Variants in PHF8 observed in about 807,000 individuals in gnomAD.
The protein encoded by PHF8 is histone lysine demethylase PHF8.
Under a neutral mutation model 74.4 loss-of-function variants are expected in PHF8, and 9 were observed. The ratio of observed to expected loss-of-function variants is 0.12; its 90% CI spans 0.07 to 0.21. The LOEUF is 0.21. Ranked by LOEUF, PHF8 falls within the 10% of genes least tolerant of loss-of-function variation. The probability of loss-of-function intolerance (pLI) is 1.00; values close to 1 mark genes in which losing one functional copy is unlikely to be tolerated. For synonymous variants in PHF8, 311 were observed against 316.6 expected (o/e 0.98, Z 0.19); for missense variants, 478 against 816.6 (o/e 0.59, Z 5.05).
intron 11 of PHF8, among the ~76,000 whole-genome samples, chrX:53,997,373 TAAA>T (rs1244631676): frequency 1.8e-5 from 2 of 112,398 alleles, no homozygotes; most frequent in Admixed American, 9.4e-5. Context: ...AGAGGGCTGA[TAAA>T]AAATTCCTCA....
In PHF8 at chrX:54,016,640, C is replaced by T. The variant is rs781983583; in HGVS notation, c.551G>A (p.Arg184Lys). The change falls in exon 6 of 22, where the codon AGG becomes AAG. Residue 184 changes from arginine (R) to lysine (K), a missense_variant. Transcript: ENST00000338154. ...DFVKYYYSGK[R>K]EKVLNVISLE... Reference sequence around the variant, plus strand: ...ACTAATGACATTGAGGACTTTCTCCCTCTTCCCGCTGTAATAGTATTTCAC... The same window carrying T: ...ACTAATGACATTGAGGACTTTCTCCTTCTTCCCGCTGTAATAGTATTTCAC... The T allele has an allele frequency of 8.3e-7, 1 of 1,201,289 alleles. No individual in the cohort carries two copies. The highest frequency in any genetic ancestry group is 2.2e-5 in the Admixed American group (1 of 45,922).
intron 10 of PHF8, among the ~76,000 whole-genome samples, chrX:54,000,753 C>G (rs2065814737): frequency 8.9e-6 from 1 of 112,993 alleles, no homozygotes; most frequent in Non-Finnish European, 1.9e-5. Context: ...TGGCTTCCAA[C>G]TGGGCTAACG....
chrX:54,006,969 G>C (rs894167391), intron 8 of PHF8, among the ~76,000 whole-genome samples: 1 of 109,787 alleles, frequency 9.1e-6, no homozygotes, highest in African/African-American at 3.3e-5. Context: ...AATTCAAGGG[G>C]CCAAATAATC....
At chrX:53,982,663 C>T (rs1292990016) in intron 18 of PHF8, among the ~76,000 whole-genome samples, 1 of 111,631 alleles carries the variant, frequency 9.0e-6, no homozygotes, top group African/African-American at 3.3e-5. Context: ...ATGGGAATTT[C>T]GTTTATGACA....
chrX:53,955,770 C>G lies in PHF8; in HGVS notation c.2539+7074G>C, dbSNP rs184727276. On this transcript the variant is annotated intron_variant, in intron 19 of 21. Transcript: ENST00000338154. ...TGATAAAAATTACTAAAGAAATATA[C>G]ATACATAGATGCATGCATTTACATA... Among the ~76,000 whole-genome samples the G allele has an allele frequency of 2.7e-5, 3 of 109,653 alleles. No homozygotes were observed. In the Admixed American group the frequency reaches 3.0e-4, roughly 11 times the overall value.
chrX:54,036,578 A>AC (rs1832290458), intron 2 of PHF8, among the ~76,000 whole-genome samples: 1 of 101,622 alleles, frequency 9.8e-6, no homozygotes, highest in Non-Finnish European at 2.0e-5. Context: ...TCTCAAAAAA[A>AC]AAAAAAAAAA....
At position 54,011,109 on chromosome X, in the gene PHF8, C is replaced by T. The variant is rs1557106633; in HGVS notation, c.946+13G>A. On this transcript the variant is annotated intron_variant, in intron 8 of 21. Coordinates refer to ENST00000338154, the MANE Select transcript of PHF8 (RefSeq NM_015107.3). ...CCCTCCCCAAACCCTCCCAGAAGCA[C>T]CCAAGGGAAGACCTGTGGGAATGAA... The T allele has an allele frequency of 8.3e-7, 1 of 1,206,489 alleles. No individual in the cohort carries two copies. Among genetic ancestry groups the T allele is most frequent in the Middle Eastern group, 2.4e-4 (1 of 4,173 alleles).
At chrX:53,963,897 A>G (rs1360970658) in intron 18 of PHF8, among the ~76,000 whole-genome samples, 1 of 111,968 alleles carries the variant, frequency 8.9e-6, no homozygotes. Flanking sequence ...ATATACCCAG[A>G]GGATTATAAA....
Position 53,971,158 on chromosome X carries a change from A to C in PHF8, c.2444-8219T>G, listed in dbSNP as rs983249018. ...AGTCTCTCAGACCACAGCACAATAA[A>C]ATTAGAACTCAAAACTAAGAAATTC... On this transcript the variant is annotated intron_variant, in intron 18 of 21. Transcript: ENST00000338154. Among the ~76,000 whole-genome samples the C allele has an allele frequency of 3.6e-5, 4 of 111,788 alleles. 1 individual carries two copies. Among genetic ancestry groups the C allele is most frequent in the Non-Finnish European group, 5.6e-5 (3 of 53,237 alleles).
chrX:54,022,153 C>A lies in PHF8; in HGVS notation c.293+106G>T. ...GCAGAGCCCTGAAGATACTCACAAA[C>A]TGGGGAAGCTCCTAATGGGACAGCC... On this transcript the variant is annotated intron_variant, in intron 4 of 21. Coordinates refer to ENST00000338154, the MANE Select transcript of PHF8 (RefSeq NM_015107.3). 6 of 552,641 alleles carry A rather than the reference C, an allele frequency of 1.1e-5. No homozygotes were observed. In the South Asian group the frequency reaches 1.4e-4, roughly 13 times the overall value. 45.5% of individuals were successfully genotyped at this position (552,641 alleles called of 1,213,427 possible).
At chrX:53,964,241 G>T (rs2065145478) in intron 18 of PHF8, among the ~76,000 whole-genome samples, 1 of 110,435 alleles carries the variant, frequency 9.1e-6, no homozygotes, top group South Asian at 3.9e-4. Context: ...GAGGGGGAAG[G>T]GGGCTAGGGG....
intron 2 of PHF8, 29 bp downstream of exon 2, chrX:54,042,602 C>A (rs367947979): frequency 7.7e-6 from 9 of 1,169,034 alleles, no homozygotes; most frequent in Non-Finnish European, 1.0e-5. Flanking sequence ...GGCCACCGCA[C>A]CCTGTGTAGC....
At chrX:53,976,921 A>G (rs1490215696) in intron 18 of PHF8, among the ~76,000 whole-genome samples, 2 of 111,423 alleles carry the variant, frequency 1.8e-5, no homozygotes, top group Non-Finnish European at 3.8e-5. Context: ...ACTCACCCAA[A>G]CTCTTTCCCC....
intron 15 of PHF8, 63 bp downstream of exon 15, chrX:53,987,703 C>A (rs1387174769): frequency 9.9e-7 from 1 of 1,008,328 alleles, no homozygotes; most frequent in Non-Finnish European, 1.4e-6. Flanking sequence ...GAGCAAAACT[C>A]CGTCTCAAAA....
chrX:53,993,101 G>C (rs2065693209), intron 13 of PHF8: 1 of 375,711 alleles, frequency 2.7e-6, no homozygotes, highest in Non-Finnish European at 4.7e-6. Flanking sequence ...CCCATGGAGA[G>C]AATCACAATC....
chrX:54,002,777 A>G (rs782712481), intron 8 of PHF8, 95 bp from the exon 9 acceptor site: 12 of 588,662 alleles, frequency 2.0e-5, no homozygotes, highest in Admixed American at 5.1e-5. Context: ...ACTCCTTAAG[A>G]GCAGTTAGCC....
rs146428058 is a variant in PHF8 at position 54,016,559 on chromosome X, T to C, written c.596+36A>G. 7.7e-4 allele frequency: 891 copies of C among 1,150,936 alleles called. 6 individuals carry two copies. The African/African-American group carries it at 0.014, about 18-fold the overall frequency. The allele number at this position is 1,150,936 out of a possible 1,213,427, so 94.9% of individuals were successfully genotyped here. On this transcript the variant is annotated intron_variant, in intron 6 of 21. Transcript: ENST00000338154. ...GATATATCACACAAGTTTCAGGCAC[T>C]TTGTCAGGTTTTTTTGTTATTCCTG... is the stretch of plus-strand genomic sequence containing the variant.
chrX:54,020,513 TA>T (rs1557109548), intron 4 of PHF8, among the ~76,000 whole-genome samples: 16 of 110,768 alleles, frequency 1.4e-4, no homozygotes, highest in Admixed American at 9.7e-5. Context: ...TATATTTTTT[TA>T]AAAAAAAGCA....
chrX:53,981,324 G>T (rs1277117835), intron 18 of PHF8, among the ~76,000 whole-genome samples: 1 of 112,326 alleles, frequency 8.9e-6, no homozygotes, highest in Non-Finnish European at 1.9e-5. Context: ...CCAATCAGTG[G>T]TAGACTTTTT....
Sources: gnomAD v4.1 joint callset for allele counts (sites outside exome capture counted in the v4.1 genomes callset) on GRCh38, gnomAD v4.1.1 for gene constraint, MANE v1.5 for transcripts, NCBI Gene and HGNC (gene_info 2026-07-23, HGNC 2026-07-21) for gene names.